NUP214: variants seen among roughly 807,000 people sequenced by gnomAD.
NUP214 encodes the protein nuclear pore complex protein Nup214.
A neutral mutation model predicts 196.2 loss-of-function variants in NUP214; 79 were observed. That is an observed-to-expected ratio of 0.40 (90% CI 0.34 to 0.49). The LOEUF (loss-of-function observed/expected upper bound fraction) is 0.49. NUP214 is among the 20% of genes least tolerant of loss of function. The pLI, the probability that NUP214 is intolerant of heterozygous loss-of-function variation, is 0.58. For missense variants in NUP214, 2,468 were observed against 2,539.0 expected (o/e 0.97, Z 0.60); for synonymous variants, 1,020 against 990.5 (o/e 1.03, Z -0.56).
intron 25 of NUP214, among the ~76,000 whole-genome samples, chr9:131,188,059 G>C (rs964250006): frequency 6.6e-6 from 1 of 152,224 alleles, no homozygotes; most frequent in Non-Finnish European, 1.5e-5. Flanking sequence ...GCCTAGGCTT[G>C]AGTGACCAAC....
In NUP214 at chr9:131,163,961, T is replaced by C. The variant is rs200327137; in HGVS notation, c.2809+6T>C. 6.6e-4 allele frequency: 1,066 copies of C among 1,613,880 alleles called. 4 individuals carry two copies. Among genetic ancestry groups the C allele is most frequent in the South Asian group, 4.3e-3 (388 of 91,078 alleles). On this transcript the variant is annotated splice_donor_region_variant and intron_variant, in intron 20 of 35. Transcript: ENST00000359428. The stretch of plus-strand genomic sequence containing the variant: ...ATCCTTGCCCAAAGTACCAGGTAAT[T>C]GCATCCTTCCCAGTCTTTTAACTCC...
At chr9:131,159,897 C>T (rs571864197) in intron 18 of NUP214, among the ~76,000 whole-genome samples, 51 of 150,390 alleles carry the variant, frequency 3.4e-4, no homozygotes, top group Middle Eastern at 3.5e-3. Flanking sequence ...CTCTACAAAA[C>T]GTTCATTCTT....
intron 18 of NUP214, among the ~76,000 whole-genome samples, 158 bp downstream of exon 18, chr9:131,159,644 G>A (rs1052843258): frequency 6.6e-6 from 1 of 152,190 alleles, no homozygotes; most frequent in African/African-American, 2.4e-5. Flanking sequence ...GATCACCTGA[G>A]ATCGGGAGTT....
intron 24 of NUP214, among the ~76,000 whole-genome samples, chr9:131,186,132 G>A (rs546222170): frequency 5.3e-5 from 8 of 152,192 alleles, no homozygotes; most frequent in Non-Finnish European, 1.2e-4. Context: ...TTTTCCTCTG[G>A]TACAGATTCA....
chr9:131,201,669 T>G lies in NUP214; in HGVS notation c.5544T>G (p.Gly1848=). The change falls in exon 30 of 36, where the codon GGT becomes GGG. Residue 1848 remains glycine, a synonymous_variant. Transcript: ENST00000359428. ...CAGGTTTTGGGTCTAGTAATACTGG[T>G]TCTGTGTTTGGTCAAGCAGCCAGTA... is the stretch of plus-strand genomic sequence containing the variant. ...QASGFGSSNT[G]SVFGQAASTG... is the part of the protein sequence containing the mutation. 6.2e-7 allele frequency: 1 copy of G among 1,614,140 alleles called. No homozygotes were observed. The highest frequency in any genetic ancestry group is 1.1e-5 in the South Asian group (1 of 91,088).
intron 21 of NUP214, among the ~76,000 whole-genome samples, chr9:131,166,671 G>T (rs1236497459): frequency 6.6e-6 from 1 of 151,978 alleles, no homozygotes; most frequent in Non-Finnish European, 1.5e-5. Context: ...GAATATTGCC[G>T]TTTTTTAGAA....
intron 9 of NUP214, 147 bp from the exon 10 acceptor site, chr9:131,139,134 C>T: frequency 1.1e-6 from 1 of 888,616 alleles, no homozygotes; most frequent in Non-Finnish European, 1.5e-6. Flanking sequence ...TTCAGAGCCT[C>T]CTAGTCAACA....
chr9:131,189,302 A>C (rs544345393), intron 26 of NUP214, among the ~76,000 whole-genome samples, 171 bp downstream of exon 26: 37 of 152,248 alleles, frequency 2.4e-4, no homozygotes, highest in Non-Finnish European at 4.7e-4. Flanking sequence ...GAAAGCCGTC[A>C]GCTAATGAAG....
intron 32 of NUP214, among the ~76,000 whole-genome samples, chr9:131,227,151 A>G (rs1834746105): frequency 6.6e-6 from 1 of 152,250 alleles, no homozygotes; most frequent in Non-Finnish European, 1.5e-5. Context: ...TTTCAGCAGT[A>G]TCTTGGAAGT....
chr9:131,199,798 A>G (rs1039067622), intron 29 of NUP214, among the ~76,000 whole-genome samples: 7 of 152,230 alleles, frequency 4.6e-5, no homozygotes, highest in Admixed American at 4.6e-4. Context: ...CAAGATTACT[A>G]GTAACTGCTA....
At chr9:131,217,154 C>G (rs1195047151) in intron 31 of NUP214, among the ~76,000 whole-genome samples, 1 of 152,172 alleles carries the variant, frequency 6.6e-6, no homozygotes, top group Non-Finnish European at 1.5e-5. Flanking sequence ...TTTAGTTCAG[C>G]CTGGGCAACA....
intron 30 of NUP214, among the ~76,000 whole-genome samples, chr9:131,204,092 C>A (rs1324110440): frequency 1.3e-5 from 2 of 152,240 alleles, no homozygotes; most frequent in East Asian, 3.9e-4. Context: ...ATTACTCTTA[C>A]AAGTAATTTC....
rs757856001 is a variant in NUP214, at chr9:131,130,137, G to GTTTTTTTTTTTTTT, written c.593-616_593-615insTTTTTTTTTTTTTT. Among the ~76,000 whole-genome samples the GTTTTTTTTTTTTTT allele has an allele frequency of 6.5e-3, 503 of 76,920 alleles. 168 individuals are homozygous for GTTTTTTTTTTTTTT. The highest frequency in any genetic ancestry group is 8.2e-3 in the East Asian group (18 of 2,182). 50.5% of individuals were successfully genotyped at this position (76,920 alleles called of 152,430 possible). ...GAGCAGGAGAATGATTTCTGGTTTT[G>GTTTTTTTTTTTTTT]TTTTTTTTTTTTTGTTTTTTTTTTG... On this transcript the variant is annotated intron_variant, in intron 4 of 35. Transcript: ENST00000359428.
chr9:131,178,033 C>T (rs1023547596), intron 23 of NUP214, among the ~76,000 whole-genome samples: 3 of 152,188 alleles, frequency 2.0e-5, no homozygotes, highest in African/African-American at 7.2e-5. Flanking sequence ...GCAGGTGTCT[C>T]AGCTCTGTGT....
At chr9:131,211,394 T>C (rs958824925) in intron 30 of NUP214, among the ~76,000 whole-genome samples, 1 of 152,218 alleles carries the variant, frequency 6.6e-6, no homozygotes, top group Non-Finnish European at 1.5e-5. Flanking sequence ...TAAGTCTCTT[T>C]ATGTATAGGT....
At chr9:131,184,833 T>C (rs1436040569) in intron 24 of NUP214, among the ~76,000 whole-genome samples, 2 of 152,228 alleles carry the variant, frequency 1.3e-5, no homozygotes, top group African/African-American at 4.8e-5. Flanking sequence ...TATATTTCCA[T>C]CGACAGATGT....
chr9:131,174,038 G>T lies in NUP214; in HGVS notation c.2894-17G>T. 1 of 1,606,994 alleles carries T rather than the reference G, an allele frequency of 6.2e-7. No homozygotes were observed. The highest frequency in any genetic ancestry group is 8.5e-7 in the Non-Finnish European group (1 of 1,177,762). On this transcript the variant is annotated splice_polypyrimidine_tract_variant and intron_variant, in intron 21 of 35. Transcript: ENST00000359428. Reference sequence around the variant, plus strand: ...CTTTGAGTTGTCTAAATTGTGTTTTGTTTGGGGCTTTTGTAGCCAGCCTGT... The same window carrying T: ...CTTTGAGTTGTCTAAATTGTGTTTTTTTTGGGGCTTTTGTAGCCAGCCTGT...
chr9:131,184,308 G>A (rs1239117765), intron 24 of NUP214, among the ~76,000 whole-genome samples: 4 of 143,552 alleles, frequency 2.8e-5, no homozygotes, highest in South Asian at 2.2e-4. Context: ...GGGACTACAC[G>A]CGTGAGACAC....
At position 131,198,182 on chromosome 9, in the gene NUP214, T is replaced by C. The variant is rs748065659; in HGVS notation, c.4688T>C (p.Leu1563Pro). The change falls in exon 29 of 36, where the codon CTT becomes CCT. Residue 1563 changes from leucine to proline, a missense_variant. By Grantham distance (98) the Leu-to-Pro change is moderately conservative. This residue lies in a region of NUP214 where 1,801 missense variants were observed against 1,779.4 expected (regional missense o/e 1.01). Transcript: ENST00000359428. ...TAASSTSLVA[L>P]SAEATPATTG... ...GCATCTAGTACTAGTCTTGTAGCAC[T>C]TTCTGCAGAGGCTACCCCAGCCACC... is the stretch of plus-strand genomic sequence containing the variant. 1 of 1,614,232 alleles carries C rather than the reference T, an allele frequency of 6.2e-7. No individual in the cohort carries two copies. Among genetic ancestry groups the C allele is most frequent in the Non-Finnish European group, 8.5e-7 (1 of 1,180,044 alleles).
Sources: allele counts gnomAD v4.1 joint callset (sites outside exome capture counted in the v4.1 genomes callset), GRCh38; gene constraint gnomAD v4.1.1; regional missense constraint gnomAD v4.1.1; transcripts MANE v1.5; gene names NCBI Gene and HGNC (gene_info 2026-07-23, HGNC 2026-07-21).